Variants in MYO5A observed in about 807,000 individuals in gnomAD.
MYO5A encodes the protein unconventional myosin-Va.
A neutral mutation model predicts 249.7 loss-of-function variants in MYO5A; 98 were observed. The observed-to-expected ratio is 0.39, with a 90% CI of 0.33 to 0.46. The LOEUF is 0.46. Ranked by LOEUF, MYO5A falls within the 20% of genes least tolerant of loss-of-function variation. The pLI is 0.98. For synonymous variants in MYO5A, 778 were observed against 810.6 expected, an observed-to-expected ratio of 0.96 and a Z score of 0.68; for missense variants, 1,696 against 2,308.8, an observed-to-expected ratio of 0.73 and a Z score of 5.44.
At chr15:52,505,074 G>A (rs1256507416) in intron 1 of MYO5A, 4 of 560,748 alleles carry the variant, frequency 7.1e-6, no homozygotes, top group Non-Finnish European at 9.7e-6. Context: ...TTTAAGACAG[G>A]CCCATTTTAT....
intron 1 of MYO5A, among the ~76,000 whole-genome samples, chr15:52,456,693 AAAAAGC>A (rs1171175429): frequency 1.3e-5 from 2 of 152,162 alleles, no homozygotes; most frequent in Non-Finnish European, 2.9e-5. Context: ...TCATTTTTGA[AAAAAGC>A]ACCAAGTACG....
In MYO5A at chr15:52,485,969, T is replaced by C. The variant is rs141049164; in HGVS notation, c.27+42811A>G. 3.1e-4 allele frequency among the ~76,000 whole-genome samples: 47 copies of C among 152,340 alleles called. 1 individual carries two copies. The highest frequency in any genetic ancestry group is 9.9e-4 in the African/African-American group (41 of 41,576). On this transcript the variant is annotated intron_variant, in intron 1 of 41. Transcript: ENST00000399233. ...CAAAATTATTTTAAGTTGCTAATTA[T>C]CACCGTAAACAAGCAGTCATGAGGG...
chr15:52,379,111 T>C (rs2242057), intron 18 of MYO5A, among the ~76,000 whole-genome samples: 73,264 of 152,106 alleles, frequency 0.48, 21,264 homozygotes, highest in Non-Finnish European at 0.63. Flanking sequence ...TGCATAACCT[T>C]ACCCATTCTC....
chr15:52,518,761 G>C (rs1001612746), intron 1 of MYO5A, among the ~76,000 whole-genome samples: 1 of 152,148 alleles, frequency 6.6e-6, no homozygotes, highest in Non-Finnish European at 1.5e-5. Flanking sequence ...TCTAAAACTA[G>C]TCTAACACAA....
chr15:52,494,180 C>T (rs556601772), intron 1 of MYO5A, among the ~76,000 whole-genome samples: 1 of 152,258 alleles, frequency 6.6e-6, no homozygotes, highest in South Asian at 2.1e-4. Context: ...CATCTTTGAT[C>T]TCCAAACAAA....
chr15:52,454,962 G>A lies in MYO5A; in HGVS notation c.28-21677C>T, dbSNP rs1455915570. Among the ~76,000 whole-genome samples, 5 of 151,006 alleles carry A rather than the reference G, an allele frequency of 3.3e-5. No homozygotes were observed. The East Asian group carries it at 9.7e-4, about 29-fold the overall frequency. ...CAAATCCAAAATTGGTAGAGGAAAA[G>A]AAATAATAAAGACCAGAGCAGAAAT... is the stretch of plus-strand genomic sequence containing the variant. On this transcript the variant is annotated intron_variant, in intron 1 of 41. Coordinates refer to ENST00000399233, the MANE Select transcript of MYO5A (RefSeq NM_001382347.1).
At chr15:52,484,871 G>A (rs11857993) in intron 1 of MYO5A, among the ~76,000 whole-genome samples, 23,005 of 151,624 alleles carry the variant, frequency 0.15, 1,843 homozygotes, top group Middle Eastern at 0.22. Context: ...ACAATTTTTC[G>A]CTGCTCCTGG....
intron 1 of MYO5A, among the ~76,000 whole-genome samples, chr15:52,450,856 T>TTTTTTTG (rs2076006444): frequency 2.0e-5 from 3 of 146,692 alleles, no homozygotes; most frequent in African/African-American, 7.5e-5. Flanking sequence ...TTTTTTTTTT[T>TTTTTTTG]TTTTTTTTTG....
intron 34 of MYO5A, chr15:52,331,788 G>A: frequency 2.0e-6 from 2 of 985,402 alleles, no homozygotes; most frequent in Non-Finnish European, 2.4e-6. Flanking sequence ...TATCAGCGCT[G>A]AAAATCTGGT....
chr15:52,489,449 A>G (rs1567173885), intron 1 of MYO5A, among the ~76,000 whole-genome samples: 2 of 152,094 alleles, frequency 1.3e-5, no homozygotes, highest in Admixed American at 1.3e-4. Context: ...CTGTAGTCCC[A>G]GCTACTCGGG....
intron 1 of MYO5A, among the ~76,000 whole-genome samples, chr15:52,509,823 A>C (rs2077352994): frequency 6.6e-6 from 1 of 152,204 alleles, no homozygotes; most frequent in Non-Finnish European, 1.5e-5. Flanking sequence ...ATGAGGACTT[A>C]AGATGGATCA....
At chr15:52,428,337 T>C (rs2141289942) in intron 3 of MYO5A, 61 bp downstream of exon 3, 2 of 1,517,942 alleles carry the variant, frequency 1.3e-6, no homozygotes, top group African/African-American at 2.7e-5. Context: ...ACAATATTTC[T>C]ATGGCTATGT....
intron 1 of MYO5A, among the ~76,000 whole-genome samples, chr15:52,455,499 A>G (rs1189190102): frequency 6.6e-6 from 1 of 152,132 alleles, no homozygotes; most frequent in African/African-American, 2.4e-5. Context: ...AGAAAAGGAG[A>G]CAACAAAATA....
chr15:52,327,953 T>C lies in MYO5A; in HGVS notation c.4609A>G (p.Ile1537Val). 1 of 1,613,756 alleles carries C rather than the reference T, an allele frequency of 6.2e-7. No individual in the cohort carries two copies. Residue 1537 changes from isoleucine (I) to valine (V), a missense_variant, in exon 36 of 42, where the codon ATC becomes GTC. Physicochemically the swap from Ile to Val is conservative, Grantham distance 29. Coordinates refer to ENST00000399233, the MANE Select transcript of MYO5A (RefSeq NM_001382347.1). The part of the protein sequence containing the change: ...VNLIPGLPAY[I>V]LFMCVRHADY... Reference sequence around the variant, plus strand: ...GCATGTCGAACACACATGAACAGGATATATGCCGGTAATCCTGGAATCAAA... The same window carrying C: ...GCATGTCGAACACACATGAACAGGACATATGCCGGTAATCCTGGAATCAAA...
rs2041146892 is a variant in MYO5A, at chr15:52,371,980, A to G, written c.2817+144T>C. On this transcript the variant is annotated intron_variant, in intron 21 of 41. Transcript: ENST00000399233. Reference sequence around the variant, plus strand: ...ACCTTATGAGTTCATAAGTACTTCCATGCCCATTATGGAAATAAATACGGT... The same window carrying G: ...ACCTTATGAGTTCATAAGTACTTCCGTGCCCATTATGGAAATAAATACGGT... 4 of 1,161,426 alleles carry G rather than the reference A, an allele frequency of 3.4e-6. No individual in the cohort carries two copies. In the East Asian group the frequency reaches 7.2e-5, roughly 21 times the overall value. The allele number at this position is 1,161,426 out of a possible 1,614,324, so 71.9% of individuals were successfully genotyped here.
chr15:52,510,014 T>C (rs1479011447), intron 1 of MYO5A, among the ~76,000 whole-genome samples: 2 of 152,204 alleles, frequency 1.3e-5, no homozygotes, highest in Admixed American at 1.3e-4. Flanking sequence ...TACTTTCAGC[T>C]CCAGCTGCAT....
intron 32 of MYO5A, among the ~76,000 whole-genome samples, chr15:52,339,523 GAAAA>G (rs993781926): frequency 8.1e-6 from 1 of 122,998 alleles, no homozygotes; most frequent in Non-Finnish European, 1.8e-5. Context: ...TTTGGCAAAA[GAAAA>G]AAAAAAAGGA....
chr15:52,427,584 A>G (rs1416089259), intron 3 of MYO5A, among the ~76,000 whole-genome samples: 1 of 152,162 alleles, frequency 6.6e-6, no homozygotes, highest in Non-Finnish European at 1.5e-5. Flanking sequence ...AGTTAGTATC[A>G]ATGATATAAA....
Position 52,500,571 on chromosome 15 carries a change from C to T in MYO5A, c.27+28209G>A, listed in dbSNP as rs140586710. Among the ~76,000 whole-genome samples, 68 of 152,280 alleles carry T rather than the reference C, an allele frequency of 4.5e-4. 1 individual carries two copies. The East Asian group carries it at 7.0e-3, about 16-fold the overall frequency. Reference sequence around the variant, plus strand: ...CCATGTTAGCTAGGCTGGTCTCAAACTCCTGACCTCAGGTGATCCGCCCGC... The same window carrying T: ...CCATGTTAGCTAGGCTGGTCTCAAATTCCTGACCTCAGGTGATCCGCCCGC... On this transcript the variant is annotated intron_variant, in intron 1 of 41. Coordinates refer to ENST00000399233, the MANE Select transcript of MYO5A (RefSeq NM_001382347.1).
Sources: gnomAD v4.1 joint callset for allele counts (sites outside exome capture counted in the v4.1 genomes callset) on GRCh38, gnomAD v4.1.1 for gene constraint, MANE v1.5 for transcripts, NCBI Gene and HGNC (gene_info 2026-07-23, HGNC 2026-07-21) for gene names.